PACRG: variants seen among roughly 807,000 people sequenced by gnomAD.
The protein encoded by PACRG is parkin coregulated.
In PACRG, 29 loss-of-function variants were observed where a neutral mutation model predicts 29.7. The observed-to-expected ratio is 0.98, with a 90% CI of 0.73 to 1.33. The LOEUF is 1.33. Among genes scored for constraint, PACRG ranks in the 40% most tolerant of loss-of-function variants. The probability of loss-of-function intolerance (pLI) is 0.00; values close to 1 mark genes in which losing one functional copy is unlikely to be tolerated. For synonymous variants in PACRG, 116 were observed against 118.7 expected, an observed-to-expected ratio of 0.98 and a Z score of 0.15; for missense variants, 279 against 316.2, an observed-to-expected ratio of 0.88 and a Z score of 0.89.
chr6:163,122,818 A>G (rs550565207), intron 4 of PACRG, among the ~76,000 whole-genome samples: 158 of 152,364 alleles, frequency 1.0e-3, no homozygotes, highest in African/African-American at 3.6e-3. Context: ...AGGTATACAT[A>G]CATTTATGTT....
At chr6:162,831,323 G>A (rs1160206510) in intron 2 of PACRG, among the ~76,000 whole-genome samples, 1 of 151,954 alleles carries the variant, frequency 6.6e-6, no homozygotes, top group Non-Finnish European at 1.5e-5. Flanking sequence ...TATTTCATTC[G>A]ACAAGTACTT....
chr6:163,180,431 A>G (rs570665552), intron 4 of PACRG, among the ~76,000 whole-genome samples: 9 of 151,996 alleles, frequency 5.9e-5, no homozygotes, highest in Admixed American at 1.3e-4. Flanking sequence ...ATTATCATAC[A>G]CCTATAATAA....
rs961075348 is a variant in PACRG, at chr6:162,853,971, T to C, written c.291+39690T>C. 6.6e-6 allele frequency among the ~76,000 whole-genome samples: 1 copy of C among 152,026 alleles called. No individual in the cohort carries two copies. Among genetic ancestry groups the C allele is most frequent in the African/African-American group, 2.4e-5 (1 of 41,396 alleles). On this transcript the variant is annotated intron_variant, in intron 2 of 4. Transcript: ENST00000366888. This position sits in a 1 kb window ranked among gnomAD's most constrained non-coding sequence, Gnocchi z 4.7. ...TATTAACTATTATTATTAATATCAT[T>C]AGTATCATTATACATTTAAAATCTC...
chr6:162,956,229 A>C (rs1584862771), intron 2 of PACRG, among the ~76,000 whole-genome samples: 1 of 152,042 alleles, frequency 6.6e-6, no homozygotes, highest in South Asian at 2.1e-4. Context: ...AAAGTCAGAA[A>C]CCCCAGAGAC....
At chr6:162,787,576 GTGTGTGTATATATATA>G (rs1354005865) in intron 1 of PACRG, among the ~76,000 whole-genome samples, 16 of 59,524 alleles carry the variant, frequency 2.7e-4, no homozygotes, top group African/African-American at 1.1e-3. Context: ...GTGTGTGTGT[GTGTGTGTATATATATA>G]TATATATATA....
At chr6:162,880,588 A>G (rs956506948) in intron 2 of PACRG, among the ~76,000 whole-genome samples, 3 of 152,228 alleles carry the variant, frequency 2.0e-5, no homozygotes, top group Non-Finnish European at 4.4e-5. Flanking sequence ...ATAACGCTTC[A>G]TATCTTTCAG....
At chr6:162,810,749 G>A (rs887420089) in intron 1 of PACRG, among the ~76,000 whole-genome samples, 2 of 152,130 alleles carry the variant, frequency 1.3e-5, no homozygotes, top group African/African-American at 4.8e-5. Context: ...CAATATGAAC[G>A]ACAGAGAAAA....
chr6:163,189,989 AAGG>A (rs1386424024), intron 4 of PACRG: 2 of 152,232 alleles, frequency 1.3e-5, no homozygotes, highest in East Asian at 3.8e-4. Flanking sequence ...CATTTATATG[AAGG>A]AGAAGTACAT....
chr6:163,087,803 A>G (rs1000133007), intron 3 of PACRG, among the ~76,000 whole-genome samples: 1 of 150,380 alleles, frequency 6.6e-6, no homozygotes, highest in African/African-American at 2.5e-5. Context: ...GGAGGTGAAG[A>G]TGGAGAGTGA....
chr6:163,033,064 A>G (rs1334490365), intron 2 of PACRG, among the ~76,000 whole-genome samples: 1 of 152,190 alleles, frequency 6.6e-6, no homozygotes, highest in Non-Finnish European at 1.5e-5. Flanking sequence ...CAATCCATTA[A>G]TCCTTTAATC....
intron 1 of PACRG, among the ~76,000 whole-genome samples, chr6:162,793,619 A>T (rs1051060012): frequency 3.3e-5 from 5 of 152,240 alleles, no homozygotes; most frequent in African/African-American, 1.2e-4. Context: ...TTTAGCAGGC[A>T]TCATTAGTAT....
intron 4 of PACRG, among the ~76,000 whole-genome samples, chr6:163,117,751 CAA>C (rs35801516): frequency 8.5e-4 from 92 of 108,350 alleles, no homozygotes; most frequent in East Asian, 2.7e-3. Flanking sequence ...GACTCTGTCT[CAA>C]AAAAAAAAAA....
At chr6:163,155,259 C>T (rs984273346) in intron 4 of PACRG, among the ~76,000 whole-genome samples, 3 of 152,164 alleles carry the variant, frequency 2.0e-5, no homozygotes, top group Admixed American at 2.0e-4. Context: ...TGAATGGTAC[C>T]CCGGGCTAGG....
chr6:163,082,867 C>G (rs77281558), intron 3 of PACRG, among the ~76,000 whole-genome samples: 2,187 of 152,202 alleles, frequency 0.014, 45 homozygotes, highest in African/African-American at 0.051. Flanking sequence ...ATCAATAATA[C>G]TGGGCTTAGC....
At chr6:163,283,734 G>A (rs1419200552) in intron 4 of PACRG, among the ~76,000 whole-genome samples, 1 of 151,512 alleles carries the variant, frequency 6.6e-6, no homozygotes, top group East Asian at 1.9e-4. Flanking sequence ...CCGGGAAGCG[G>A]AGCTTGCAGT....
At chr6:162,978,740 T>A (rs1802166065) in intron 2 of PACRG, among the ~76,000 whole-genome samples, 1 of 152,186 alleles carries the variant, frequency 6.6e-6, no homozygotes, top group African/African-American at 2.4e-5. Flanking sequence ...ATAGTGATTA[T>A]AATAGAGCAT....
At chr6:163,006,554 A>G (rs1467719943) in intron 2 of PACRG, among the ~76,000 whole-genome samples, 2 of 151,808 alleles carry the variant, frequency 1.3e-5, no homozygotes, top group Non-Finnish European at 2.9e-5. Flanking sequence ...ATATCTGACT[A>G]TAGTTATAGA....
chr6:163,196,279 C>T (rs1780450015), intron 4 of PACRG, among the ~76,000 whole-genome samples: 1 of 152,214 alleles, frequency 6.6e-6, no homozygotes, highest in Admixed American at 6.5e-5. Context: ...GCTCTGTTGT[C>T]CCTGCTAATG....
intron 2 of PACRG, among the ~76,000 whole-genome samples, chr6:162,900,003 G>C (rs116920181): frequency 6.6e-6 from 1 of 152,202 alleles, no homozygotes; most frequent in East Asian, 1.9e-4. Context: ...GGAGCTGCAG[G>C]GAGCAAAAGG....
Sources: allele counts gnomAD v4.1 joint callset (sites outside exome capture counted in the v4.1 genomes callset), GRCh38; gene constraint gnomAD v4.1.1; non-coding constraint Gnocchi (gnomAD v3.1); transcripts MANE v1.5; gene names NCBI Gene and HGNC (gene_info 2026-07-23, HGNC 2026-07-21).